Variants in PDE9A observed in about 807,000 individuals in gnomAD.
The protein encoded by PDE9A is high affinity cGMP-specific 3',5'-cyclic phosphodiesterase 9A.
Under a neutral mutation model 87.4 loss-of-function variants are expected in PDE9A, and 60 were observed. The observed-to-expected ratio is 0.69, with a 90% confidence interval of 0.56 to 0.85. The LOEUF (loss-of-function observed/expected upper bound fraction) is 0.85. Among genes scored for constraint, PDE9A ranks in the 40% least tolerant of loss-of-function variants. PDE9A has a pLI of 0.00. For missense variants in PDE9A, 665 were observed against 779.0 expected, an observed-to-expected ratio of 0.85 and a Z score of 1.74; for synonymous variants, 272 against 279.4, an observed-to-expected ratio of 0.97 and a Z score of 0.27.
At chr21:42,716,875 C>T (rs543616844) in intron 4 of PDE9A, among the ~76,000 whole-genome samples, 3 of 150,232 alleles carry the variant, frequency 2.0e-5, no homozygotes, top group East Asian at 4.0e-4. Flanking sequence ...CTCAGCCTCC[C>T]GAGTAGCTGG....
At chr21:42,728,681 G>A (rs1396040950) in intron 4 of PDE9A, among the ~76,000 whole-genome samples, 1 of 151,996 alleles carries the variant, frequency 6.6e-6, no homozygotes, top group Non-Finnish European at 1.5e-5. Flanking sequence ...GTCTGCATTT[G>A]GTATCAGGGT....
rs2060132301 is a variant in PDE9A at position 42,696,211 on chromosome 21, C to T, written c.219-2757C>T. ...TAAGCCTGTTTTTGTGTCAGGTCCCCAGGACACCTTCCTCTGAGTCTCTTG... is the reference window on the plus strand; with the variant it reads ...TAAGCCTGTTTTTGTGTCAGGTCCCTAGGACACCTTCCTCTGAGTCTCTTG... On this transcript the variant is annotated intron_variant, in intron 3 of 19. Coordinates refer to ENST00000291539, the MANE Select transcript of PDE9A (RefSeq NM_002606.3). This position sits in a 1 kb window ranked among gnomAD's most constrained non-coding sequence, Gnocchi z 5.1. Among the ~76,000 whole-genome samples, 1 of 152,162 alleles carries T rather than the reference C, an allele frequency of 6.6e-6. No individual in the cohort carries two copies.
In PDE9A at chr21:42,670,560, TCACACATA is replaced by T. The variant is rs375480068; in HGVS notation, c.70-15625_70-15618del. The stretch of plus-strand genomic sequence containing the variant: ...CACTCACGTACACTTACCCACACAT[TCACACATA>T]CACACACCACATACACGCATACACT... On this transcript the variant is annotated intron_variant, in intron 1 of 19. Coordinates refer to ENST00000291539, the MANE Select transcript of PDE9A (RefSeq NM_002606.3). 5.4e-3 allele frequency among the ~76,000 whole-genome samples: 810 copies of T among 150,700 alleles called. 2 individuals carry two copies. Among genetic ancestry groups the T allele is most frequent in the African/African-American group, 0.017 (712 of 40,988 alleles).
intron 10 of PDE9A, 117 bp from the exon 11 acceptor site, chr21:42,758,882 A>G (rs11702144): frequency 0.37 from 261,559 of 703,644 alleles, 54,653 homozygotes; most frequent in Non-Finnish European, 0.45. Context: ...GAGGGGGAGA[A>G]CCCACCTCCT....
intron 3 of PDE9A, chr21:42,689,514 T>A: frequency 1.0e-6 from 1 of 984,896 alleles, no homozygotes; most frequent in Non-Finnish European, 1.2e-6. Flanking sequence ...ACTAAAATGA[T>A]CTCTCAGAGG....
At position 42,730,998 on chromosome 21, in the gene PDE9A, C is replaced by T. The variant is rs2051673069; in HGVS notation, c.263-772C>T. ...TTGAGATGGAGTTTCGCTCTTGTTC[C>T]CCAGGCTGGAGTGCAATGGCACGAT... is the stretch of plus-strand genomic sequence containing the variant. On this transcript the variant is annotated intron_variant, in intron 4 of 19. Transcript: ENST00000291539. 2.6e-5 allele frequency among the ~76,000 whole-genome samples: 4 copies of T among 152,110 alleles called. No individual in the cohort carries two copies. The South Asian group carries it at 8.3e-4, about 32-fold the overall frequency.
chr21:42,677,563 A>C (rs1433059548), intron 1 of PDE9A, among the ~76,000 whole-genome samples: 1 of 151,574 alleles, frequency 6.6e-6, no homozygotes. Context: ...TCACATCAAC[A>C]CTGTTCTTTT....
intron 4 of PDE9A, among the ~76,000 whole-genome samples, chr21:42,699,554 CTT>C (rs200609471): frequency 1.3e-5 from 1 of 75,396 alleles, no homozygotes; most frequent in Non-Finnish European, 2.6e-5. Context: ...TTTTCTTTTT[CTT>C]TTTTTTTTTT....
intron 4 of PDE9A, among the ~76,000 whole-genome samples, chr21:42,726,645 G>C (rs1569207681): frequency 9.8e-5 from 1 of 10,192 alleles, no homozygotes; most frequent in Non-Finnish European, 1.9e-4. Flanking sequence ...TTTTTTTGTA[G>C]AGATGGAGAT....
intron 7 of PDE9A, among the ~76,000 whole-genome samples, chr21:42,737,126 A>G (rs111978962): frequency 5.1e-4 from 78 of 152,366 alleles, no homozygotes; most frequent in African/African-American, 1.7e-3. Flanking sequence ...GGTCAGTCCC[A>G]ACCCTGCACG....
intron 1 of PDE9A, among the ~76,000 whole-genome samples, chr21:42,666,535 C>G (rs1048555037): frequency 3.3e-5 from 5 of 152,170 alleles, no homozygotes; most frequent in African/African-American, 1.2e-4. Context: ...GGACCACAGG[C>G]CCGGCGGCCT....
intron 1 of PDE9A, among the ~76,000 whole-genome samples, chr21:42,678,634 T>C (rs368146618): frequency 1.3e-5 from 2 of 152,222 alleles, no homozygotes; most frequent in African/African-American, 4.8e-5. Context: ...TTTTCACATA[T>C]GTGAATGCGT....
chr21:42,653,770 C>CG lies in PDE9A; in HGVS notation c.-42dup. The CG allele has an allele frequency of 8.5e-7, 1 of 1,174,980 alleles. No homozygotes were observed. Among genetic ancestry groups the CG allele is most frequent in the Non-Finnish European group, 1.1e-6 (1 of 885,826 alleles). 72.8% of individuals were successfully genotyped at this position (1,174,980 alleles called of 1,614,324 possible). The stretch of plus-strand genomic sequence containing the variant: ...CCCCGCCTCCCGCGGCGGCTGGCGT[C>CG]GGGAAAGTACAGTAAAAAGTCCGAG... On this transcript the variant is annotated 5_prime_UTR_variant, in exon 1 of 20. Transcript: ENST00000291539.
chr21:42,691,843 A>G (rs2059860705), intron 3 of PDE9A, among the ~76,000 whole-genome samples: 1 of 150,154 alleles, frequency 6.7e-6, no homozygotes, highest in African/African-American at 2.5e-5. Flanking sequence ...CACCATCACC[A>G]TCCAAAGTCA....
chr21:42,660,486 A>C lies in PDE9A; in HGVS notation c.69+6603A>C, dbSNP rs1239910093. On this transcript the variant is annotated intron_variant, in intron 1 of 19. Transcript: ENST00000291539. This position sits in a 1 kb window ranked among gnomAD's most constrained non-coding sequence, Gnocchi z 4.7. ...AGAAGAAAATGTTCTAAGAAAGTGC[A>C]CAGGGTGGTGGATGAAAGACCACGC... 6.6e-6 allele frequency among the ~76,000 whole-genome samples: 1 copy of C among 152,158 alleles called. No individual in the cohort carries two copies. Among genetic ancestry groups the C allele is most frequent in the Non-Finnish European group, 1.5e-5 (1 of 68,032 alleles).
chr21:42,762,724 G>T (rs575784450), intron 14 of PDE9A, among the ~76,000 whole-genome samples: 9 of 151,958 alleles, frequency 5.9e-5, no homozygotes, highest in African/African-American at 1.9e-4. Context: ...ACAGAGTCTC[G>T]CTCTGTTGCC....
intron 8 of PDE9A, among the ~76,000 whole-genome samples, chr21:42,750,616 G>T (rs1249056101): frequency 6.6e-6 from 1 of 151,466 alleles, no homozygotes; most frequent in African/African-American, 2.4e-5. Context: ...GCCCAGACTG[G>T]CCAGGCTGGC....
intron 3 of PDE9A, among the ~76,000 whole-genome samples, chr21:42,693,973 T>TA (rs1465780817): frequency 6.7e-6 from 1 of 149,938 alleles, no homozygotes; most frequent in African/African-American, 2.4e-5. Flanking sequence ...TTTTTTTTTT[T>TA]AAAGCTCTGC....
intron 1 of PDE9A, among the ~76,000 whole-genome samples, chr21:42,670,141 A>G (rs949515965): frequency 7.8e-4 from 111 of 141,808 alleles, no homozygotes; most frequent in African/African-American, 2.6e-3. Flanking sequence ...ACACATGCTT[A>G]CACACACATT....
Sources: allele counts gnomAD v4.1 joint callset (sites outside exome capture counted in the v4.1 genomes callset), GRCh38; gene constraint gnomAD v4.1.1; non-coding constraint Gnocchi (gnomAD v3.1); transcripts MANE v1.5; gene names NCBI Gene and HGNC (gene_info 2026-07-23, HGNC 2026-07-21).